Variants in LINGO2 observed in about 807,000 individuals in gnomAD.
LINGO2 encodes the protein leucine rich repeat and Ig domain containing 2, also known as leucine-rich repeat and immunoglobulin-like domain-containing nogo receptor-interacting protein 2.
A neutral mutation model predicts 30.6 loss-of-function variants in LINGO2; 14 were observed. That is an observed-to-expected ratio of 0.46 (90% CI 0.30 to 0.72). LINGO2 has a LOEUF of 0.72. Ranked by LOEUF, LINGO2 falls within the 30% of genes least tolerant of loss-of-function variation. The pLI, the probability that LINGO2 is intolerant of heterozygous loss-of-function variation, is 0.07. For synonymous variants in LINGO2, 317 were observed against 288.5 expected, an observed-to-expected ratio of 1.10 and a Z score of -1.00; for missense variants, 729 against 751.7, an observed-to-expected ratio of 0.97 and a Z score of 0.35.
intron 2 of LINGO2, among the ~76,000 whole-genome samples, chr9:28,435,801 T>C (rs1305467541): frequency 6.6e-6 from 1 of 152,108 alleles, no homozygotes; most frequent in Non-Finnish European, 1.5e-5. Context: ...TTATGAGCAA[T>C]TGGGGTCAAT....
At chr9:28,963,543 TACACACACACACACAC>T in the LINGO2 span, among the ~76,000 whole-genome samples, 4 of 140,804 alleles carry the variant, frequency 2.8e-5, no homozygotes, top group African/African-American at 8.0e-5. Context: ...GGTATATGAA[TACACACACACACACAC>T]ACACACACAC....
intron 4 of LINGO2, among the ~76,000 whole-genome samples, chr9:28,138,746 C>T (rs1211407009): frequency 6.6e-6 from 1 of 152,106 alleles, no homozygotes; most frequent in Non-Finnish European, 1.5e-5. Context: ...GTTATAATAA[C>T]CACTCCTAAA....
the LINGO2 span, among the ~76,000 whole-genome samples, chr9:29,088,031 T>G: frequency 6.6e-6 from 1 of 152,168 alleles, no homozygotes; most frequent in East Asian, 1.9e-4. Context: ...TTATTTTTAT[T>G]CTTTCTGACT....
chr9:29,167,354 G>A, the LINGO2 span, among the ~76,000 whole-genome samples: 1 of 152,054 alleles, frequency 6.6e-6, no homozygotes, highest in African/African-American at 2.4e-5. Context: ...CTTAAATTTG[G>A]TTTATCTGAA....
At chr9:28,656,420 A>T (rs1176789092) in intron 1 of LINGO2, among the ~76,000 whole-genome samples, 1 of 152,138 alleles carries the variant, frequency 6.6e-6, no homozygotes, top group East Asian at 1.9e-4. Context: ...TAATCGCCCT[A>T]GTAATAAGAA....
intron 4 of LINGO2, among the ~76,000 whole-genome samples, chr9:28,189,685 G>GAGGGAGGAAGGAAGGA (rs1554684559): frequency 1.5e-4 from 3 of 20,524 alleles, no homozygotes; most frequent in Non-Finnish European, 2.1e-4. Flanking sequence ...GGAAGGAAGG[G>GAGGGAGGAAGGAAGGA]AGGAAGGAAG....
chr9:28,277,844 A>C (rs1398804550), intron 4 of LINGO2, among the ~76,000 whole-genome samples: 1 of 133,828 alleles, frequency 7.5e-6, no homozygotes, highest in Non-Finnish European at 1.6e-5. Flanking sequence ...AAACAAAAAA[A>C]AAAAACAAAA....
chr9:28,479,895 G>GTGTGTA (rs1825873640), intron 1 of LINGO2, among the ~76,000 whole-genome samples: 2 of 118,558 alleles, frequency 1.7e-5, no homozygotes, highest in African/African-American at 6.2e-5. Context: ...ATGTGTGTAT[G>GTGTGTA]TGTATATATA....
intron 5 of LINGO2, among the ~76,000 whole-genome samples, chr9:27,961,859 T>G (rs146978128): frequency 6.6e-6 from 1 of 152,170 alleles, no homozygotes; most frequent in East Asian, 1.9e-4. Context: ...CAATCGGCTG[T>G]GGAGGGTGTA....
rs150969683 is a variant in LINGO2 at position 28,035,286 on chromosome 9, A to G, written c.-86-22881T>C. Among the ~76,000 whole-genome samples, 5 of 152,362 alleles carry G rather than the reference A, an allele frequency of 3.3e-5. No individual in the cohort carries two copies. The East Asian group carries it at 7.7e-4, about 23-fold the overall frequency. On this transcript the variant is annotated intron_variant, in intron 4 of 5. Transcript: ENST00000379992. ...GTATAGGCAAAATAGATAAAGCCAT[A>G]TATTTCCTTATAGGACATATTTTAG... is the stretch of plus-strand genomic sequence containing the variant.
chr9:28,292,872 G>GC (rs1376358816), intron 4 of LINGO2, among the ~76,000 whole-genome samples: 1 of 152,000 alleles, frequency 6.6e-6, no homozygotes, highest in Non-Finnish European at 1.5e-5. Flanking sequence ...CCGGGTTCAT[G>GC]CCATTCTCCT....
chr9:29,147,102 C>T, the LINGO2 span, among the ~76,000 whole-genome samples: 3 of 152,074 alleles, frequency 2.0e-5, no homozygotes, highest in African/African-American at 7.2e-5. Flanking sequence ...AGCATGTACA[C>T]ATCTGAAATA....
At chr9:27,987,869 T>C (rs548008136) in intron 5 of LINGO2, among the ~76,000 whole-genome samples, 3 of 152,182 alleles carry the variant, frequency 2.0e-5, no homozygotes, top group Non-Finnish European at 4.4e-5. Flanking sequence ...TTCTCCCTTT[T>C]ATACGTTAAG....
chr9:28,414,985 T>C (rs1822910817), intron 2 of LINGO2, among the ~76,000 whole-genome samples: 3 of 152,140 alleles, frequency 2.0e-5, no homozygotes, highest in Admixed American at 1.3e-4. Context: ...TAAAATTTTG[T>C]GTCTAAAAGA....
At chr9:28,385,028 A>G (rs1370070090) in intron 2 of LINGO2, among the ~76,000 whole-genome samples, 4 of 152,074 alleles carry the variant, frequency 2.6e-5, no homozygotes, top group African/African-American at 9.7e-5. Flanking sequence ...CATTCAATTA[A>G]TATTTACTAA....
At chr9:28,589,522 G>A (rs1824757165) in intron 1 of LINGO2, among the ~76,000 whole-genome samples, 1 of 152,052 alleles carries the variant, frequency 6.6e-6, no homozygotes, top group Non-Finnish European at 1.5e-5. Flanking sequence ...CAAACAGAGA[G>A]CCAAATCATC....
the LINGO2 span, among the ~76,000 whole-genome samples, chr9:29,180,472 T>A: frequency 6.6e-6 from 1 of 152,192 alleles, no homozygotes; most frequent in Non-Finnish European, 1.5e-5. Flanking sequence ...CAGAAACCAA[T>A]AATTCTAAAA....
At chr9:28,846,321 C>T in the LINGO2 span, among the ~76,000 whole-genome samples, 1 of 151,720 alleles carries the variant, frequency 6.6e-6, no homozygotes, top group East Asian at 1.9e-4. Flanking sequence ...TGTTCGAGCC[C>T]ATCATACCCA....
chr9:28,367,047 C>T (rs959996049), intron 3 of LINGO2, among the ~76,000 whole-genome samples: 1 of 149,642 alleles, frequency 6.7e-6, no homozygotes, highest in African/African-American at 2.6e-5. Flanking sequence ...TTAAAACTGC[C>T]CATATGACAC....
Sources: allele counts gnomAD v4.1 joint callset (sites outside exome capture counted in the v4.1 genomes callset), GRCh38; gene constraint gnomAD v4.1.1; transcripts MANE v1.5; gene names NCBI Gene and HGNC (gene_info 2026-07-23, HGNC 2026-07-21).